ZBTB7C: variants seen among roughly 807,000 people sequenced by gnomAD.
ZBTB7C encodes the protein zinc finger and BTB domain containing 7C.
A neutral mutation model predicts 25.7 loss-of-function variants in ZBTB7C; 8 were observed. The observed-to-expected ratio is 0.31, with a 90% confidence interval of 0.18 to 0.56. ZBTB7C has a LOEUF of 0.56. Among genes scored for constraint, ZBTB7C ranks in the 20% least tolerant of loss-of-function variants. The pLI is 0.91. For synonymous variants in ZBTB7C, 394 were observed against 369.0 expected (o/e 1.07, Z -0.78); for missense variants, 824 against 855.2 (o/e 0.96, Z 0.46).
At chr18:48,231,451 A>C (rs1396738842) in intron 2 of ZBTB7C, among the ~76,000 whole-genome samples, 2 of 152,140 alleles carry the variant, frequency 1.3e-5, no homozygotes, top group Non-Finnish European at 2.9e-5. Context: ...AACTGCCTGC[A>C]GAGAGCAGTT....
At chr18:48,044,054 C>T (rs945762199) in intron 3 of ZBTB7C, among the ~76,000 whole-genome samples, 1 of 152,192 alleles carries the variant, frequency 6.6e-6, no homozygotes, top group African/African-American at 2.4e-5. Context: ...GGAACAGTGG[C>T]ACAAAGTAGG....
At chr18:48,397,390 C>T (rs1209828532) in intron 1 of ZBTB7C, among the ~76,000 whole-genome samples, 1 of 152,154 alleles carries the variant, frequency 6.6e-6, no homozygotes, top group Non-Finnish European at 1.5e-5. Flanking sequence ...CGGTTCCCCA[C>T]CTGAATACCC....
chr18:48,365,462 T>A (rs1025555758), intron 1 of ZBTB7C, among the ~76,000 whole-genome samples: 4 of 152,180 alleles, frequency 2.6e-5, no homozygotes, highest in Non-Finnish European at 1.5e-5. Flanking sequence ...GTCTGGCTAG[T>A]AGAGTGGCAC....
chr18:48,037,273 G>T (rs928492332), intron 4 of ZBTB7C, among the ~76,000 whole-genome samples: 34 of 152,380 alleles, frequency 2.2e-4, no homozygotes, highest in African/African-American at 7.7e-4. Context: ...CGTCATTCTG[G>T]AGCAGGAGGA....
intron 3 of ZBTB7C, among the ~76,000 whole-genome samples, chr18:48,129,831 C>A (rs2039932259): frequency 6.6e-6 from 1 of 152,234 alleles, no homozygotes; most frequent in African/African-American, 2.4e-5. Context: ...TACAGCACAG[C>A]TGTCCTGTGA....
chr18:48,173,689 C>T (rs546149715), intron 3 of ZBTB7C, among the ~76,000 whole-genome samples: 1 of 152,224 alleles, frequency 6.6e-6, no homozygotes, highest in African/African-American at 2.4e-5. Flanking sequence ...AGAGTGAGCA[C>T]CTCCTTAAAT....
rs372144908 is a variant in ZBTB7C, at chr18:48,398,700, C to A, written c.-304+10526G>T. Among the ~76,000 whole-genome samples the A allele has an allele frequency of 5.3e-5, 8 of 152,048 alleles. No individual in the cohort carries two copies. The East Asian group carries it at 1.3e-3, about 26-fold the overall frequency. ...CTTCCCCACCCCCACAACGTGAGCACCATCCCTCATGCCCTTTTCTTTGTT... is the reference window on the plus strand; with the variant it reads ...CTTCCCCACCCCCACAACGTGAGCAACATCCCTCATGCCCTTTTCTTTGTT... On this transcript the variant is annotated intron_variant, in intron 1 of 4. Coordinates refer to ENST00000590800, the MANE Select transcript of ZBTB7C (RefSeq NM_001318841.2).
At chr18:48,227,265 A>ATGC (rs781754000) in intron 2 of ZBTB7C, among the ~76,000 whole-genome samples, 1 of 152,176 alleles carries the variant, frequency 6.6e-6, no homozygotes, top group Admixed American at 6.5e-5. Flanking sequence ...TCCACCAGGA[A>ATGC]TGCTGCTGCT....
intron 2 of ZBTB7C, among the ~76,000 whole-genome samples, chr18:48,191,304 G>C (rs1255428924): frequency 6.6e-6 from 1 of 152,216 alleles, no homozygotes; most frequent in African/African-American, 2.4e-5. Flanking sequence ...ATGCTTGGTG[G>C]TTCAGAGGCA....
Position 48,029,498 on chromosome 18 carries a change from G to T in ZBTB7C, c.1622C>A (p.Ala541Asp). Residue 541 changes from alanine to aspartate, a missense_variant, in exon 5 of 5, where the codon GCC (alanine) becomes GAC (aspartate). Physicochemically the swap from Ala to Asp is moderately radical, Grantham distance 126 (BLOSUM62 -2). Around this residue, in one of 4 missense-constraint regions of ZBTB7C, gnomAD observed 342 missense variants for 307.0 expected, o/e 1.11. Coordinates refer to ENST00000590800, the MANE Select transcript of ZBTB7C (RefSeq NM_001318841.2). ...AKHFLAAPKG[A>D]LSLQELERQF... ...CCGCTCCAGCTCTTGCAGGCTCAGG[G>T]CGCCCTTGGGCGCTGCCAGGAAGTG... The T allele has an allele frequency of 6.3e-7, 1 of 1,591,162 alleles. No individual in the cohort carries two copies.
At chr18:48,072,154 A>G (rs2037565772) in intron 3 of ZBTB7C, among the ~76,000 whole-genome samples, 2 of 152,224 alleles carry the variant, frequency 1.3e-5, no homozygotes, top group African/African-American at 4.8e-5. Flanking sequence ...TGAAGGCTGC[A>G]TGGGATATGA....
rs558447004 is a variant in ZBTB7C at position 48,292,450 on chromosome 18, C to T, written c.-79+45724G>A. ...CTATGACTCATGGCCTCTCTGACCT[C>T]CAAGGTGTCCAGACCCACTAAAGCA... On this transcript the variant is annotated intron_variant, in intron 2 of 4. Coordinates refer to ENST00000590800, the MANE Select transcript of ZBTB7C (RefSeq NM_001318841.2). Among the ~76,000 whole-genome samples the T allele has an allele frequency of 6.6e-5, 10 of 152,260 alleles. No individual in the cohort carries two copies. The South Asian group carries it at 2.1e-3, about 32-fold the overall frequency.
At chr18:48,076,295 C>T (rs563345748) in intron 3 of ZBTB7C, among the ~76,000 whole-genome samples, 7 of 152,168 alleles carry the variant, frequency 4.6e-5, no homozygotes, top group South Asian at 2.1e-4. Context: ...TGAGACTCAA[C>T]GAGTGAAGGA....
chr18:48,106,973 T>C (rs887323975), intron 3 of ZBTB7C, among the ~76,000 whole-genome samples: 1 of 151,682 alleles, frequency 6.6e-6, no homozygotes, highest in African/African-American at 2.4e-5. Flanking sequence ...TTTGCAAGGA[T>C]GAAGGTGATA....
At chr18:48,206,521 A>G (rs995332631) in intron 2 of ZBTB7C, among the ~76,000 whole-genome samples, 4 of 152,130 alleles carry the variant, frequency 2.6e-5, no homozygotes, top group Admixed American at 6.5e-5. Context: ...TTAGCTGGGC[A>G]TGGTGGTGCA....
chr18:48,216,524 TG>T (rs1042554235), intron 2 of ZBTB7C, among the ~76,000 whole-genome samples: 1 of 152,058 alleles, frequency 6.6e-6, no homozygotes, highest in Non-Finnish European at 1.5e-5. Flanking sequence ...GCTCACTCCC[TG>T]GGGGGCGAAG....
At chr18:48,074,485 A>G (rs1400826588) in intron 3 of ZBTB7C, among the ~76,000 whole-genome samples, 1 of 152,250 alleles carries the variant, frequency 6.6e-6, no homozygotes, top group Non-Finnish European at 1.5e-5. Flanking sequence ...CTGTCATAGG[A>G]ATGGATGAGC....
intron 1 of ZBTB7C, among the ~76,000 whole-genome samples, chr18:48,352,889 C>A (rs1025442255): frequency 1.3e-5 from 2 of 152,076 alleles, no homozygotes; most frequent in Non-Finnish European, 2.9e-5. Flanking sequence ...TTACTCCACC[C>A]CTAGTCCCCC....
rs527648900 is a variant in ZBTB7C, at chr18:48,212,210, A to G, written c.-78-26215T>C. The stretch of plus-strand genomic sequence containing the variant: ...TCTCTACAAATAATTAAAAACATAT[A>G]TATATTTTTAAAAAGTCAGTCTGGA... On this transcript the variant is annotated intron_variant, in intron 2 of 4. Transcript: ENST00000590800. 7.2e-5 allele frequency among the ~76,000 whole-genome samples: 11 copies of G among 152,248 alleles called. No individual in the cohort carries two copies. In the South Asian group the frequency reaches 1.0e-3, roughly 14 times the overall value.
Sources: gnomAD v4.1 joint callset for allele counts (sites outside exome capture counted in the v4.1 genomes callset) on GRCh38, gnomAD v4.1.1 for gene constraint, gnomAD v4.1.1 regional missense constraint, MANE v1.5 for transcripts, NCBI Gene and HGNC (gene_info 2026-07-23, HGNC 2026-07-21) for gene names.